The following BARHL1 variants were observed in gnomAD, a reference collection of about 807,000 sequenced individuals.
The protein encoded by BARHL1 is BarH like homeobox 1.
In BARHL1, 2 loss-of-function variants were observed where a neutral mutation model predicts 20.1. That is an observed-to-expected ratio of 0.10 (90% CI 0.04 to 0.31). The LOEUF is 0.31. Ranked by LOEUF, BARHL1 falls within the 10% of genes least tolerant of loss-of-function variation. The pLI is 1.00. For synonymous variants in BARHL1, 213 were observed against 209.9 expected (o/e 1.01, Z -0.13); for missense variants, 397 against 454.0 (o/e 0.87, Z 1.14).
In BARHL1 at chr9:132,583,287, T is replaced by C. The variant is rs773454854; in HGVS notation, c.466+24T>C. On this transcript the variant is annotated intron_variant, in intron 1 of 2. Transcript: ENST00000263610. The stretch of plus-strand genomic sequence containing the variant: ...AGGTAAGAAAGCAGGAGGTGAAAAC[T>C]TGGGGGGATGCTATGTATCTAAAAA... The C allele has an allele frequency of 7.0e-6, 11 of 1,575,954 alleles. No homozygotes were observed. In the Admixed American group the frequency reaches 2.0e-4, roughly 28 times the overall value.
chr9:132,582,698 C>T lies in BARHL1; in HGVS notation c.-100C>T. On this transcript the variant is annotated 5_prime_UTR_variant, in exon 1 of 3. Coordinates refer to ENST00000263610, the MANE Select transcript of BARHL1 (RefSeq NM_020064.4). ...CCAAGGTGCCCGCAGGCTCCCTGCC[C>T]GCCTTCCCCATGCCAGCCCGCAGCT... 1 of 1,164,968 alleles carries T rather than the reference C, an allele frequency of 8.6e-7. No homozygotes were observed. The highest frequency in any genetic ancestry group is 1.2e-6 in the Non-Finnish European group (1 of 833,204). 72.2% of individuals were successfully genotyped at this position (1,164,968 alleles called of 1,614,324 possible).
In BARHL1 at chr9:132,589,221, C is replaced by T; in HGVS notation, c.690-7C>T. 1.2e-6 allele frequency: 2 copies of T among 1,604,346 alleles called. No homozygotes were observed. The highest frequency in any genetic ancestry group is 1.7e-6 in the Non-Finnish European group (2 of 1,175,594). ...ATCCCGCCATACGCGTTTATTTCGG[C>T]CCCCAGGACTAAATGGAAGCGACAG... On this transcript the variant is annotated splice_region_variant and splice_polypyrimidine_tract_variant and intron_variant, in intron 2 of 2. Coordinates refer to ENST00000263610, the MANE Select transcript of BARHL1 (RefSeq NM_020064.4).
chr9:132,582,708 A>C lies in BARHL1; in HGVS notation c.-90A>C, dbSNP rs1251050185. ...CGCAGGCTCCCTGCCCGCCTTCCCC[A>C]TGCCAGCCCGCAGCTAGGGGCAGGG... On this transcript the variant is annotated 5_prime_UTR_variant, in exon 1 of 3. An upstream start codon of the reference 5' UTR is lost. Coordinates refer to ENST00000263610, the MANE Select transcript of BARHL1 (RefSeq NM_020064.4). 2.4e-6 allele frequency: 3 copies of C among 1,249,336 alleles called. No homozygotes were observed. Among genetic ancestry groups the C allele is most frequent in the Non-Finnish European group, 3.3e-6 (3 of 906,368 alleles). 77.4% of individuals were successfully genotyped at this position (1,249,336 alleles called of 1,614,324 possible).
At position 132,589,627 on chromosome 9, in the gene BARHL1, G is replaced by A; in HGVS notation, c.*105G>A. On this transcript the variant is annotated 3_prime_UTR_variant, in exon 3 of 3. Coordinates refer to ENST00000263610, the MANE Select transcript of BARHL1 (RefSeq NM_020064.4). The stretch of plus-strand genomic sequence containing the variant: ...ACGCCCTTTCCCGGGAGGGGGCCCT[G>A]CCCGGCCCTCCCTGGCGCCCCAGCC... The A allele has an allele frequency of 8.2e-7, 1 of 1,223,230 alleles. No homozygotes were observed. Among genetic ancestry groups the A allele is most frequent in the Non-Finnish European group, 1.0e-6 (1 of 984,174 alleles). 75.8% of individuals were successfully genotyped at this position (1,223,230 alleles called of 1,614,324 possible).
In BARHL1 at chr9:132,589,723, C is replaced by G; in HGVS notation, c.*201C>G. Reference sequence around the variant, plus strand: ...CCCCGGACTGCGTCTCCCCAGCCCCCCTCGGCGTCCTCTCTCGCGGCCGCT... The same window carrying G: ...CCCCGGACTGCGTCTCCCCAGCCCCGCTCGGCGTCCTCTCTCGCGGCCGCT... On this transcript the variant is annotated 3_prime_UTR_variant, in exon 3 of 3. Coordinates refer to ENST00000263610, the MANE Select transcript of BARHL1 (RefSeq NM_020064.4). 1.5e-6 allele frequency: 1 copy of G among 659,700 alleles called. No homozygotes were observed. The highest frequency in any genetic ancestry group is 2.1e-6 in the Non-Finnish European group (1 of 476,264). The allele number at this position is 659,700 out of a possible 1,614,324, so 40.9% of individuals were successfully genotyped here. A position where few individuals can be genotyped will look rare whatever the true frequency, so the allele number is the denominator to read the frequency against.
At chr9:132,588,808 C>T (rs535278944) in intron 2 of BARHL1, among the ~76,000 whole-genome samples, 2 of 152,230 alleles carry the variant, frequency 1.3e-5, no homozygotes, top group African/African-American at 4.8e-5. Flanking sequence ...CCCCCCCATC[C>T]CCTCAGGCCT....
rs1266251399 is a variant in BARHL1, at chr9:132,589,208, G to A, written c.690-20G>A. 6.3e-7 allele frequency: 1 copy of A among 1,599,440 alleles called. No homozygotes were observed. The highest frequency in any genetic ancestry group is 2.2e-5 in the East Asian group (1 of 44,542). On this transcript the variant is annotated intron_variant, in intron 2 of 2. Transcript: ENST00000263610. ...TGCCCTAGCCCTGATCCCGCCATAC[G>A]CGTTTATTTCGGCCCCCAGGACTAA...
chr9:132,583,112 C>T lies in BARHL1; in HGVS notation c.315C>T (p.Cys105=), dbSNP rs768826660. The T allele has an allele frequency of 1.9e-6, 3 of 1,613,738 alleles. No homozygotes were observed. The highest frequency in any genetic ancestry group is 2.5e-6 in the Non-Finnish European group (3 of 1,179,976). Residue 105 remains cysteine (C), a synonymous_variant, in exon 1 of 3, where the codon TGC becomes TGT. Transcript: ENST00000263610. ...TGATCAGGGACATCCTTGCCGACTGCAAACCACTCGCGGCCTGTGCACCCT... is the reference window on the plus strand; with the variant it reads ...TGATCAGGGACATCCTTGCCGACTGTAAACCACTCGCGGCCTGTGCACCCT... ...SFLIRDILAD[C]KPLAACAPYS...
intron 1 of BARHL1, among the ~76,000 whole-genome samples, chr9:132,585,567 G>A (rs941312978): frequency 6.6e-6 from 1 of 152,206 alleles, no homozygotes; most frequent in Non-Finnish European, 1.5e-5. Context: ...CCAAACCAGA[G>A]TTTTGTTCCC....
At chr9:132,583,743 G>C (rs1830100228) in intron 1 of BARHL1, among the ~76,000 whole-genome samples, 1 of 152,214 alleles carries the variant, frequency 6.6e-6, no homozygotes, top group African/African-American at 2.4e-5. Flanking sequence ...TTCCAGACAG[G>C]AAGAAAAACA....
At position 132,589,770 on chromosome 9, in the gene BARHL1, C is replaced by T. The variant is rs1461052919; in HGVS notation, c.*248C>T. 3 of 402,342 alleles carry T rather than the reference C, an allele frequency of 7.5e-6. No individual in the cohort carries two copies. 24.9% of individuals were successfully genotyped at this position (402,342 alleles called of 1,614,324 possible). A position where few individuals can be genotyped will look rare whatever the true frequency, so the allele number is the denominator to read the frequency against. ...CGCTCTGTCCGGGAGCCATCCCCAC[C>T]CGCCGGGTGTACATACGCGTCTCTG... is the stretch of plus-strand genomic sequence containing the variant. On this transcript the variant is annotated 3_prime_UTR_variant, in exon 3 of 3. Coordinates refer to ENST00000263610, the MANE Select transcript of BARHL1 (RefSeq NM_020064.4).
intron 1 of BARHL1, 150 bp downstream of exon 1, chr9:132,583,413 G>T: frequency 2.8e-6 from 2 of 702,020 alleles, no homozygotes. Flanking sequence ...GAACATTTCA[G>T]CCAGTCCTGT....
At position 132,582,875 on chromosome 9, in the gene BARHL1, C is replaced by G. The variant is rs1830089877; in HGVS notation, c.78C>G (p.Asp26Glu). The change falls in exon 1 of 3, where the codon GAC becomes GAG. Residue 26 changes from aspartate (D) to glutamate (E), a missense_variant. By Grantham distance (45) the Asp-to-Glu change is conservative. Around this residue, in one of 3 missense-constraint regions of BARHL1, gnomAD observed 272 missense variants for 298.7 expected, o/e 0.91. Transcript: ENST00000263610. ...GCAGCCCCGCCCTTCCCAAGGGGGA[C>G]CCCTTGCTCGGGGACTGCCGTTCGC... ...RAGSPALPKG[D>E]PLLGDCRSPL... 5 of 1,612,860 alleles carry G rather than the reference C, an allele frequency of 3.1e-6. No individual in the cohort carries two copies. The African/African-American group carries it at 6.7e-5, about 22-fold the overall frequency.
At chr9:132,584,121 A>AGAAGGAAGGAAG (rs67522848) in intron 1 of BARHL1, among the ~76,000 whole-genome samples, 180 of 144,214 alleles carry the variant, frequency 1.2e-3, no homozygotes, top group East Asian at 7.0e-3. Flanking sequence ...AAGGAAAGGG[A>AGAAGGAAGGAAG]GAAGGAAGGA....
rs1767799058 is a variant in BARHL1, at chr9:132,587,105, G to C, written c.467-224G>C. Among the ~76,000 whole-genome samples the C allele has an allele frequency of 6.6e-6, 1 of 151,976 alleles. No individual in the cohort carries two copies. On this transcript the variant is annotated intron_variant, in intron 1 of 2. Coordinates refer to ENST00000263610, the MANE Select transcript of BARHL1 (RefSeq NM_020064.4). This position sits in a 1 kb window ranked among gnomAD's most constrained non-coding sequence, Gnocchi z 5.5. Reference sequence around the variant, plus strand: ...GGTTCTTTCTCCCCGGAGCTGCCCGGGGGGTCTCGGCCTCGGGCGCTCCCG... The same window carrying C: ...GGTTCTTTCTCCCCGGAGCTGCCCGCGGGGTCTCGGCCTCGGGCGCTCCCG...
rs935581584 is a variant in BARHL1, at chr9:132,583,122, G to T, written c.325G>T (p.Ala109Ser). The T allele has an allele frequency of 3.1e-6, 5 of 1,613,660 alleles. No individual in the cohort carries two copies. In the South Asian group the frequency reaches 4.4e-5, roughly 14 times the overall value. ...RDILADCKPL[A>S]ACAPYSSSGQ... Reference sequence around the variant, plus strand: ...CATCCTTGCCGACTGCAAACCACTCGCGGCCTGTGCACCCTACTCTAGCAG... The same window carrying T: ...CATCCTTGCCGACTGCAAACCACTCTCGGCCTGTGCACCCTACTCTAGCAG... Residue 109 changes from alanine to serine, a missense_variant, in exon 1 of 3, where the codon GCG (alanine) becomes TCG (serine). By Grantham distance (99) the Ala-to-Ser change is moderately conservative. This residue lies in a region of BARHL1 where 272 missense variants were observed against 298.7 expected (regional missense o/e 0.91). Transcript: ENST00000263610.
intron 1 of BARHL1, among the ~76,000 whole-genome samples, chr9:132,584,455 C>T (rs932988079): frequency 2.0e-5 from 3 of 152,136 alleles, no homozygotes; most frequent in African/African-American, 4.8e-5. Context: ...AGGGCAACTT[C>T]TTTATTGTCT....
Position 132,582,640 on chromosome 9 carries a change from G to T in BARHL1, c.-158G>T. On this transcript the variant is annotated 5_prime_UTR_variant, in exon 1 of 3. Coordinates refer to ENST00000263610, the MANE Select transcript of BARHL1 (RefSeq NM_020064.4). ...CTAATGCGCAGAGGAGGTTGGCCCA[G>T]AGCTCCCGGGCTCCCCCAAGGCTGA... 1 of 656,936 alleles carries T rather than the reference G, an allele frequency of 1.5e-6. No homozygotes were observed. 40.7% of individuals were successfully genotyped at this position (656,936 alleles called of 1,614,324 possible). A position where few individuals can be genotyped will look rare whatever the true frequency, so the allele number is the denominator to read the frequency against.
Position 132,582,635 on chromosome 9 carries a change from G to A in BARHL1, c.-163G>A. On this transcript the variant is annotated 5_prime_UTR_variant, in exon 1 of 3. An upstream open reading frame in the 5' UTR gains an earlier in-frame stop. Transcript: ENST00000263610. ...TGGATCTAATGCGCAGAGGAGGTTG[G>A]CCCAGAGCTCCCGGGCTCCCCCAAG... is the stretch of plus-strand genomic sequence containing the variant. 1 of 640,548 alleles carries A rather than the reference G, an allele frequency of 1.6e-6. No homozygotes were observed. The highest frequency in any genetic ancestry group is 2.7e-6 in the Non-Finnish European group (1 of 373,050). 39.7% of individuals were successfully genotyped at this position (640,548 alleles called of 1,614,324 possible). A position where few individuals can be genotyped will look rare whatever the true frequency, so the allele number is the denominator to read the frequency against.
Sources: gnomAD v4.1 joint callset for allele counts (sites outside exome capture counted in the v4.1 genomes callset) on GRCh38, gnomAD v4.1.1 for gene constraint, gnomAD v4.1.1 regional missense constraint, Gnocchi (gnomAD v3.1) non-coding constraint, MANE v1.5 for transcripts, NCBI Gene and HGNC (gene_info 2026-07-23, HGNC 2026-07-21) for gene names.